The following CSMD1 variants were observed in gnomAD, a reference collection of about 807,000 sequenced individuals.
CSMD1 encodes CUB and sushi domain-containing protein 1.
In CSMD1, 213 loss-of-function variants were observed where a neutral mutation model predicts 417.5. The observed-to-expected ratio is 0.51, with a 90% CI of 0.46 to 0.57. The LOEUF (loss-of-function observed/expected upper bound fraction) is 0.57, where lower values mean the gene tolerates loss of function less well. Ranked by LOEUF, CSMD1 falls within the 20% of genes least tolerant of loss-of-function variation. The probability of loss-of-function intolerance (pLI) is 0.00; values close to 1 mark genes in which losing one functional copy is unlikely to be tolerated. For synonymous variants in CSMD1, 2,862 were observed against 1,736.8 expected (o/e 1.65, Z -16.11); for missense variants, 6,923 against 4,529.7 (o/e 1.53, Z -15.17).
intron 12 of CSMD1, among the ~76,000 whole-genome samples, chr8:3,444,348 C>G (rs564529628): frequency 6.6e-6 from 1 of 152,246 alleles, no homozygotes; most frequent in African/African-American, 2.4e-5. Context: ...AAAATTAGCA[C>G]AATTTTAGCA....
intron 6 of CSMD1, among the ~76,000 whole-genome samples, chr8:3,735,430 A>C (rs1407553097): frequency 6.6e-6 from 1 of 152,378 alleles, no homozygotes; most frequent in African/African-American, 2.4e-5. Flanking sequence ...TCCAGAATGC[A>C]TCTACAAAAT....
chr8:3,108,880 G>A, intron 43 of CSMD1, 132 bp from the exon 44 acceptor site: 1 of 882,088 alleles, frequency 1.1e-6, no homozygotes, highest in Non-Finnish European at 1.7e-6. Context: ...TACTGTGTTT[G>A]TAAACATCAA....
intron 5 of CSMD1, among the ~76,000 whole-genome samples, chr8:3,784,825 C>T (rs17067516): frequency 0.013 from 2,015 of 152,248 alleles, 72 homozygotes; most frequent in Admixed American, 0.076. Flanking sequence ...GCACCATTTC[C>T]GCTGATTTTC....
At chr8:3,193,682 G>A (rs1235986106) in intron 33 of CSMD1, among the ~76,000 whole-genome samples, 1 of 152,180 alleles carries the variant, frequency 6.6e-6, no homozygotes, top group Non-Finnish European at 1.5e-5. Flanking sequence ...GGTCAGCCTG[G>A]AATAGAGGGT....
intron 5 of CSMD1, among the ~76,000 whole-genome samples, chr8:3,983,812 C>A (rs569556027): frequency 6.6e-6 from 1 of 152,238 alleles, no homozygotes; most frequent in South Asian, 2.1e-4. Context: ...CTGTCAAATG[C>A]AGCTCCAGAG....
In CSMD1 at chr8:4,365,195, G is replaced by A. The variant is rs538628660; in HGVS notation, c.415+54758C>T. Reference sequence around the variant, plus strand: ...GTAGTTTTGCTCACAATAAATATTTGCACCTTGTCTATATATAAAAAAAGA... The same window carrying A: ...GTAGTTTTGCTCACAATAAATATTTACACCTTGTCTATATATAAAAAAAGA... On this transcript the variant is annotated intron_variant, in intron 3 of 69. Transcript: ENST00000635120. Among the ~76,000 whole-genome samples, 12 of 152,142 alleles carry A rather than the reference G, an allele frequency of 7.9e-5. No homozygotes were observed. The East Asian group carries it at 2.1e-3, about 27-fold the overall frequency.
intron 3 of CSMD1, among the ~76,000 whole-genome samples, chr8:4,295,513 A>T (rs1797627733): frequency 6.9e-6 from 1 of 144,460 alleles, no homozygotes; most frequent in African/African-American, 2.5e-5. Context: ...ATACACATAT[A>T]ATCTTATATA....
chr8:3,701,427 C>T (rs1056440344), intron 7 of CSMD1, among the ~76,000 whole-genome samples: 11 of 151,962 alleles, frequency 7.2e-5, no homozygotes, highest in Admixed American at 2.6e-4. Context: ...CGGGCTGAAC[C>T]GAAGCTGCTG....
chr8:4,405,995 G>A (rs184847905), intron 3 of CSMD1, among the ~76,000 whole-genome samples: 4 of 152,136 alleles, frequency 2.6e-5, no homozygotes, highest in South Asian at 2.1e-4. Flanking sequence ...TGGCTGTGAC[G>A]AGTGAGAGGG....
intron 1 of CSMD1, among the ~76,000 whole-genome samples, chr8:4,909,933 A>G (rs992296725): frequency 1.3e-5 from 2 of 152,174 alleles, no homozygotes; most frequent in Admixed American, 6.5e-5. Context: ...CCTTTACACG[A>G]CTAGCTGAAA....
chr8:4,689,684 C>G (rs968469023), intron 1 of CSMD1, among the ~76,000 whole-genome samples: 12 of 152,074 alleles, frequency 7.9e-5, no homozygotes, highest in African/African-American at 2.9e-4. Flanking sequence ...TTGCGAAATG[C>G]CTTTGCTTTG....
intron 2 of CSMD1, among the ~76,000 whole-genome samples, chr8:4,633,416 T>G (rs1442521779): frequency 6.6e-6 from 1 of 151,654 alleles, no homozygotes; most frequent in African/African-American, 2.4e-5. Context: ...CCAGCTAATT[T>G]TTTTTTGTAT....
At chr8:3,639,222 T>A (rs900296840) in intron 7 of CSMD1, among the ~76,000 whole-genome samples, 2 of 152,220 alleles carry the variant, frequency 1.3e-5, no homozygotes, top group African/African-American at 4.8e-5. Flanking sequence ...GAGGTCTCTC[T>A]GTTGGACTAG....
At chr8:4,780,815 C>G (rs1330801343) in intron 1 of CSMD1, among the ~76,000 whole-genome samples, 1 of 152,158 alleles carries the variant, frequency 6.6e-6, no homozygotes, top group East Asian at 1.9e-4. Context: ...TGAGAACATA[C>G]AATGTTTGGT....
chr8:3,979,639 C>G (rs756081199), intron 5 of CSMD1, among the ~76,000 whole-genome samples: 2 of 152,162 alleles, frequency 1.3e-5, no homozygotes, highest in South Asian at 2.1e-4. Flanking sequence ...TTCCAGAGCT[C>G]TCTCCCCGCC....
chr8:3,442,397 C>T (rs946226925), intron 12 of CSMD1, among the ~76,000 whole-genome samples: 3 of 152,194 alleles, frequency 2.0e-5, no homozygotes, highest in African/African-American at 7.2e-5. Context: ...TCCCATCCTG[C>T]AAGCTCTATT....
intron 2 of CSMD1, among the ~76,000 whole-genome samples, chr8:4,531,981 G>T (rs77174593): frequency 1.2e-5 from 1 of 84,394 alleles, no homozygotes; most frequent in African/African-American, 3.0e-5. Context: ...CAGTCACTCC[G>T]AAAGAGAAAT....
intron 3 of CSMD1, among the ~76,000 whole-genome samples, chr8:4,332,260 C>G (rs1338210893): frequency 6.6e-6 from 1 of 152,100 alleles, no homozygotes; most frequent in African/African-American, 2.4e-5. Flanking sequence ...CATCTTAATG[C>G]CAAGGAGCCA....
chr8:3,934,923 C>T (rs572223578), intron 5 of CSMD1, among the ~76,000 whole-genome samples: 17 of 152,154 alleles, frequency 1.1e-4, no homozygotes, highest in East Asian at 5.8e-4. Context: ...ATTATAAGTA[C>T]GGGAGTAGAG....
Sources: gnomAD v4.1 joint callset for allele counts (sites outside exome capture counted in the v4.1 genomes callset) on GRCh38, gnomAD v4.1.1 for gene constraint, MANE v1.5 for transcripts, NCBI Gene and HGNC (gene_info 2026-07-23, HGNC 2026-07-21) for gene names.